Variants in ZFTRAF1 observed in about 807,000 individuals in gnomAD.
ZFTRAF1 encodes the protein zinc finger TRAF-type and ring finger containing 1, also known as zinc finger TRAF-type-containing protein 1.
At chr8:144,456,576 G>T in the ZFTRAF1 span, 6 of 152,388 alleles carry the variant, frequency 3.9e-5, no homozygotes, top group Non-Finnish European at 2.9e-5. Flanking sequence ...AAGACCCCAA[G>T]GGAGGGGAGA....
chr8:144,450,341 G>C, the ZFTRAF1 span: 1 of 699,006 alleles, frequency 1.4e-6, no homozygotes, highest in South Asian at 1.5e-5. Context: ...GTGCTGGGAT[G>C]CCGCCCGTGG....
At chr8:144,455,085 C>A in the ZFTRAF1 span, 1 of 152,226 alleles carries the variant, frequency 6.6e-6, no homozygotes, top group African/African-American at 2.4e-5. Flanking sequence ...AAGGCCGAGG[C>A]AGGCAGGTCA....
At chr8:144,462,318 C>T in the ZFTRAF1 span, 1 of 577,330 alleles carries the variant, frequency 1.7e-6, no homozygotes, top group Admixed American at 2.9e-5. Context: ...TCCAGGCACA[C>T]GGTGCAGCAC....
chr8:144,462,139 G>A, the ZFTRAF1 span: 13 of 356,046 alleles, frequency 3.7e-5, no homozygotes, highest in Admixed American at 9.5e-5. Context: ...CCCGCTGGGC[G>A]AGGAAGTGGC....
chr8:144,450,083 C>T, the ZFTRAF1 span: 10 of 426,656 alleles, frequency 2.3e-5, no homozygotes, highest in Middle Eastern at 6.8e-4. Context: ...CTGTGCCTCT[C>T]GGCCTCCTTG....
At chr8:144,459,276 G>A in the ZFTRAF1 span, among the ~76,000 whole-genome samples, 1 of 152,240 alleles carries the variant, frequency 6.6e-6, no homozygotes, top group Non-Finnish European at 1.5e-5. Context: ...GGTCAGGCCA[G>A]AAGCTCCTGC....
chr8:144,453,691 A>C, the ZFTRAF1 span: 1 of 538,064 alleles, frequency 1.9e-6, no homozygotes, highest in South Asian at 2.3e-5. Context: ...CCTAAAAGCA[A>C]GGCCTCATCA....
chr8:144,458,336 T>A, the ZFTRAF1 span, among the ~76,000 whole-genome samples: 2 of 152,190 alleles, frequency 1.3e-5, no homozygotes, highest in African/African-American at 4.8e-5. Context: ...AAACAAAAAT[T>A]CCAACTAGCC....
At chr8:144,452,703 C>G in the ZFTRAF1 span, 4 of 800,140 alleles carry the variant, frequency 5.0e-6, no homozygotes, top group Middle Eastern at 2.9e-4. Flanking sequence ...GCCCACCCCC[C>G]AGGATGAGGT....
the ZFTRAF1 span, chr8:144,449,841 G>C: frequency 6.1e-6 from 1 of 164,504 alleles, no homozygotes; most frequent in East Asian, 1.6e-4. Flanking sequence ...CACACAGATG[G>C]GGGCGGGGCA....
chr8:144,462,526 A>AGCCGCC, the ZFTRAF1 span: 2 of 143,610 alleles, frequency 1.4e-5, no homozygotes, highest in Non-Finnish European at 2.9e-5. Flanking sequence ...CCTCGCCCAG[A>AGCCGCC]GCCGCCGCCG....
At chr8:144,458,718 TG>T in the ZFTRAF1 span, among the ~76,000 whole-genome samples, 1 of 152,104 alleles carries the variant, frequency 6.6e-6, no homozygotes, top group Non-Finnish European at 1.5e-5. Context: ...CCTGGTCAGA[TG>T]GGGCAGGAGG....
chr8:144,460,106 C>T, the ZFTRAF1 span, among the ~76,000 whole-genome samples: 1 of 152,214 alleles, frequency 6.6e-6, no homozygotes, highest in Non-Finnish European at 1.5e-5. Flanking sequence ...TCCAGGGGCA[C>T]CACTCACAGC....
At chr8:144,452,381 G>T in the ZFTRAF1 span, 1 of 1,549,866 alleles carries the variant, frequency 6.5e-7, no homozygotes. Context: ...TCTTCTCGAA[G>T]CTGAGCAGGC....
At chr8:144,451,741 A>C in the ZFTRAF1 span, 2 of 163,276 alleles carry the variant, frequency 1.2e-5, no homozygotes, top group Non-Finnish European at 2.7e-5. Flanking sequence ...ACACGTTCAA[A>C]GGCGGTGGCA....
the ZFTRAF1 span, chr8:144,453,437 G>A: frequency 6.4e-6 from 10 of 1,551,064 alleles, no homozygotes; most frequent in Non-Finnish European, 8.7e-6. Flanking sequence ...AACAGCCAGC[G>A]CACATCAAGT....
At chr8:144,455,218 G>A in the ZFTRAF1 span, 3 of 152,382 alleles carry the variant, frequency 2.0e-5, no homozygotes, top group Admixed American at 6.5e-5. Flanking sequence ...AGGAGGCTGA[G>A]GCAGGAGAAT....
the ZFTRAF1 span, chr8:144,452,277 G>C: frequency 6.8e-7 from 1 of 1,466,194 alleles, no homozygotes. Context: ...CCAGTGCCCA[G>C]AGCCTGCTGC....
chr8:144,452,992 G>A, the ZFTRAF1 span, among the ~76,000 whole-genome samples: 3 of 152,238 alleles, frequency 2.0e-5, no homozygotes, highest in African/African-American at 7.2e-5. Flanking sequence ...GCCACAAAGA[G>A]CACTGGAAGG....
Sources: allele counts gnomAD v4.1 joint callset (sites outside exome capture counted in the v4.1 genomes callset), GRCh38; gene constraint gnomAD v4.1.1; transcripts MANE v1.5; gene names NCBI Gene and HGNC (gene_info 2026-07-23, HGNC 2026-07-21).